The following RHBDF2 variants were observed in gnomAD, a reference collection of about 807,000 sequenced individuals.
The protein encoded by RHBDF2 is rhomboid 5 homolog 2.
RHBDF2 carries 38 observed loss-of-function variants against 95.2 expected under a neutral mutation model. That is an observed-to-expected ratio of 0.40 (90% CI 0.31 to 0.52). The LOEUF is 0.52. RHBDF2 is among the 20% of genes least tolerant of loss of function. RHBDF2 has a pLI of 0.56. For missense variants in RHBDF2, 863 were observed against 1,137.7 expected (o/e 0.76, Z 3.47); for synonymous variants, 442 against 462.0 (o/e 0.96, Z 0.55).
rs1168985754 is a variant in RHBDF2 at position 76,479,869 on chromosome 17, A to T, written c.151-15T>A. ...GGGTTCTTCCTCTTGGGGAGGAAGG[A>T]GGGAGGGCAGGCGGTGGTGTGTGCA... On this transcript the variant is annotated splice_polypyrimidine_tract_variant and intron_variant, in intron 3 of 18. Coordinates refer to ENST00000675367, the MANE Select transcript of RHBDF2 (RefSeq NM_001005498.4). 1.2e-6 allele frequency: 2 copies of T among 1,611,410 alleles called. No individual in the cohort carries two copies. Among genetic ancestry groups the T allele is most frequent in the Admixed American group, 3.4e-5 (2 of 59,526 alleles).
intron 1 of RHBDF2, among the ~76,000 whole-genome samples, chr17:76,490,803 C>A (rs2074276267): frequency 1.3e-5 from 2 of 152,192 alleles, no homozygotes; most frequent in Non-Finnish European, 2.9e-5. Flanking sequence ...CACCAGGCTC[C>A]ACCTTGCCTG....
chr17:76,473,321 C>A lies in RHBDF2; in HGVS notation c.1740G>T (p.Glu580Asp). 6.2e-7 allele frequency: 1 copy of A among 1,611,420 alleles called. No individual in the cohort carries two copies. The highest frequency in any genetic ancestry group is 8.5e-7 in the Non-Finnish European group (1 of 1,178,674). ...PCCIGTKGSC[E>D]ITTREYCEFM... The stretch of plus-strand genomic sequence containing the variant: ...ACTCACAGTATTCCCGGGTGGTGAT[C>A]TCACAGCTAAGGGGGTGGTGAGGCA... Residue 580 changes from glutamate to aspartate, a missense_variant, in exon 16 of 19, where the codon GAG (glutamate) becomes GAT (aspartate). This residue lies in a region of RHBDF2 where 252 missense variants were observed against 412.2 expected (regional missense o/e 0.61). Coordinates refer to ENST00000675367, the MANE Select transcript of RHBDF2 (RefSeq NM_001005498.4).
chr17:76,498,299 A>G (rs1003374520), intron 1 of RHBDF2, among the ~76,000 whole-genome samples: 1 of 152,170 alleles, frequency 6.6e-6, no homozygotes, highest in Non-Finnish European at 1.5e-5. Context: ...GCCGCTTCCG[A>G]CAGCCAGCGC....
rs387907129 is a variant in RHBDF2 at position 76,479,008 on chromosome 17, A to G, written c.470T>C (p.Ile157Thr). 3 of 1,603,862 alleles carry G rather than the reference A, an allele frequency of 1.9e-6. No homozygotes were observed. The highest frequency in any genetic ancestry group is 2.6e-6 in the Non-Finnish European group (3 of 1,173,720). Residue 157 changes from isoleucine (I) to threonine (T), a missense_variant and splice_region_variant, in exon 6 of 19, where the codon ATT becomes ACT. Around this residue, in one of 2 missense-constraint regions of RHBDF2, gnomAD observed 611 missense variants for 725.5 expected, o/e 0.84. Transcript: ENST00000675367. Reference sequence around the variant, plus strand: ...CCGGCCCCGGGCCAGCGGATCCACAATCTGGAAGGGAGGGGGGCGGTAAGC... The same window carrying G: ...CCGGCCCCGGGCCAGCGGATCCACAGTCTGGAAGGGAGGGGGGCGGTAAGC... ...ESPKPCKMPK[I>T]VDPLARGRAF... is the part of the protein sequence containing the mutation.
intron 2 of RHBDF2, among the ~76,000 whole-genome samples, chr17:76,485,481 CTG>C (rs1395150252): frequency 6.7e-6 from 1 of 150,222 alleles, no homozygotes; most frequent in Admixed American, 6.6e-5. Flanking sequence ...ATTCGGGAGA[CTG>C]AGGCAGGAGA....
chr17:76,481,276 G>A, intron 3 of RHBDF2, 99 bp downstream of exon 3: 2 of 1,373,522 alleles, frequency 1.5e-6, no homozygotes, highest in Admixed American at 2.1e-5. Context: ...TGTGGCTCAG[G>A]AAGGAGCCCC....
chr17:76,495,208 G>A lies in RHBDF2; in HGVS notation c.-220+6145C>T, dbSNP rs114967110. The stretch of plus-strand genomic sequence containing the variant: ...CAGCACAAGCCCAGCGGTTGGGGCA[G>A]GATGAGATGCAGCCTGGGGTCTGTG... On this transcript the variant is annotated intron_variant, in intron 1 of 18. Transcript: ENST00000675367. Among the ~76,000 whole-genome samples the A allele has an allele frequency of 1.8e-3, 271 of 152,362 alleles. 1 individual carries two copies. Among genetic ancestry groups the A allele is most frequent in the African/African-American group, 6.1e-3 (255 of 41,584 alleles).
chr17:76,474,833 G>A (rs1037767645), intron 10 of RHBDF2, 29 bp from the exon 11 acceptor site: 13 of 1,605,806 alleles, frequency 8.1e-6, no homozygotes, highest in African/African-American at 8.0e-5. Context: ...AGAGGAGGGC[G>A]TCAGAACAGT....
At chr17:76,475,233 C>A in intron 9 of RHBDF2, 92 bp from the exon 10 acceptor site, 1 of 855,366 alleles carries the variant, frequency 1.2e-6, no homozygotes, top group Non-Finnish European at 1.9e-6. Context: ...TCACATGGCT[C>A]GCCTGGGCTC....
In RHBDF2 at chr17:76,473,310, C is replaced by G. The variant is rs764990747; in HGVS notation, c.1751G>C (p.Arg584Pro). The change falls in exon 16 of 19, where the codon CGG becomes CCG. Residue 584 changes from arginine to proline, a missense_variant. By Grantham distance (103) the Arg-to-Pro change is moderately radical. Around this residue, in one of 2 missense-constraint regions of RHBDF2, gnomAD observed 252 missense variants for 412.2 expected, o/e 0.61. Coordinates refer to ENST00000675367, the MANE Select transcript of RHBDF2 (RefSeq NM_001005498.4). ...GTKGSCEITT[R>P]EYCEFMHGYF... ...GCCGTGCATGAACTCACAGTATTCCCGGGTGGTGATCTCACAGCTAAGGGG... is the reference window on the plus strand; with the variant it reads ...GCCGTGCATGAACTCACAGTATTCCGGGGTGGTGATCTCACAGCTAAGGGG... 6.2e-7 allele frequency: 1 copy of G among 1,612,324 alleles called. No individual in the cohort carries two copies. Among genetic ancestry groups the G allele is most frequent in the East Asian group, 2.2e-5 (1 of 44,838 alleles).
At chr17:76,499,768 A>T (rs2074529481) in intron 1 of RHBDF2, among the ~76,000 whole-genome samples, 1 of 152,114 alleles carries the variant, frequency 6.6e-6, no homozygotes. Context: ...GCTTTGGGAA[A>T]ATCTATGGGA....
chr17:76,481,484 A>G lies in RHBDF2; in HGVS notation c.41T>C (p.Val14Ala), dbSNP rs779568471. Residue 14 changes from valine to alanine, a missense_variant, in exon 3 of 19, where the codon GTG (valine) becomes GCG (alanine). Transcript: ENST00000675367. The stretch of plus-strand genomic sequence containing the variant: ...CCGGCTCTGCAGGCGGCTGCTGGAC[A>G]CAGAGGACACGCTCCCGCCATTCTT... ...ADKNGGSVSS[V>A]SSSRLQSRKP... is the part of the protein sequence containing the mutation. The G allele has an allele frequency of 6.2e-6, 10 of 1,610,366 alleles. No individual in the cohort carries two copies. In the African/African-American group the frequency reaches 6.7e-5, roughly 11 times the overall value.
At chr17:76,490,096 G>A (rs996986299) in intron 1 of RHBDF2, among the ~76,000 whole-genome samples, 4 of 152,196 alleles carry the variant, frequency 2.6e-5, no homozygotes, top group African/African-American at 4.8e-5. Flanking sequence ...AGTAGCCCAC[G>A]CTCCCCATTG....
Position 76,476,810 on chromosome 17 carries a change from G to A in RHBDF2, c.1115+20C>T, listed in dbSNP as rs758343093. The stretch of plus-strand genomic sequence containing the variant: ...TGGAACCTTCCAGGCTCTCCTGGGG[G>A]CTCCAGGGCGACACCTCACCGGTGG... On this transcript the variant is annotated intron_variant, in intron 9 of 18. Coordinates refer to ENST00000675367, the MANE Select transcript of RHBDF2 (RefSeq NM_001005498.4). 6.1e-5 allele frequency: 96 copies of A among 1,573,476 alleles called. 1 individual carries two copies. The South Asian group carries it at 1.0e-3, about 17-fold the overall frequency.
At position 76,473,075 on chromosome 17, in the gene RHBDF2, G is replaced by A. The variant is rs2073640355; in HGVS notation, c.1840C>T (p.Leu614=). The A allele has an allele frequency of 6.2e-7, 1 of 1,614,080 alleles. No homozygotes were observed. Among genetic ancestry groups the A allele is most frequent in the African/African-American group, 1.3e-5 (1 of 75,058 alleles). ...GGGACCTCAGGGTTGAGGAAGGGCA[G>A]CAGCCCACACACCTTGTCCAAGCAG... The part of the protein sequence containing the change: ...VHCLDKVCGL[L]PFLNPEVPDQ... Residue 614 remains leucine, a synonymous_variant, in exon 17 of 19, where the codon CTG becomes TTG. Coordinates refer to ENST00000675367, the MANE Select transcript of RHBDF2 (RefSeq NM_001005498.4).
intron 9 of RHBDF2, 24 bp downstream of exon 9, chr17:76,476,806 G>A: frequency 6.4e-7 from 1 of 1,569,248 alleles, no homozygotes; most frequent in Non-Finnish European, 8.6e-7. Flanking sequence ...AGGCTCTCCT[G>A]GGGGCTCCAG....
At chr17:76,497,651 A>T (rs2074461214) in intron 1 of RHBDF2, among the ~76,000 whole-genome samples, 1 of 151,988 alleles carries the variant, frequency 6.6e-6, no homozygotes, top group African/African-American at 2.4e-5. Context: ...CGGGCACTGC[A>T]CTGCAGGCTG....
chr17:76,471,525 G>T lies in RHBDF2; in HGVS notation c.*108C>A. 1 of 1,284,136 alleles carries T rather than the reference G, an allele frequency of 7.8e-7. No homozygotes were observed. Among genetic ancestry groups the T allele is most frequent in the Non-Finnish European group, 1.1e-6 (1 of 949,280 alleles). The allele number at this position is 1,284,136 out of a possible 1,614,324, so 79.5% of individuals were successfully genotyped here. On this transcript the variant is annotated 3_prime_UTR_variant, in exon 19 of 19. Transcript: ENST00000675367. ...CACCCAGGTCCAGAGCCCGGGCCCTGTCTTGGGTCTCTGGCTCTCTGGCAC... is the reference window on the plus strand; with the variant it reads ...CACCCAGGTCCAGAGCCCGGGCCCTTTCTTGGGTCTCTGGCTCTCTGGCAC...
rs755457795 is a variant in RHBDF2 at position 76,479,257 on chromosome 17, C to A, written c.293G>T (p.Gly98Val). 2 of 1,604,258 alleles carry A rather than the reference C, an allele frequency of 1.2e-6. No individual in the cohort carries two copies. The highest frequency in any genetic ancestry group is 2.2e-5 in the East Asian group (1 of 44,760). ...CTGCCCCTCCCAGTCGCCGCTGACT[C>A]CAAACCACTGGGCTGCGCCCCTGCG... ...SIRKGAAQWF[G>V]VSGDWEGQRQ... Residue 98 changes from glycine (G) to valine (V), a missense_variant, in exon 5 of 19, where the codon GGA (glycine) becomes GTA (valine). By Grantham distance (109) the Gly-to-Val change is moderately radical. This residue lies in a region of RHBDF2 where 611 missense variants were observed against 725.5 expected (regional missense o/e 0.84). Coordinates refer to ENST00000675367, the MANE Select transcript of RHBDF2 (RefSeq NM_001005498.4).
Sources: gnomAD v4.1 joint callset for allele counts (sites outside exome capture counted in the v4.1 genomes callset) on GRCh38, gnomAD v4.1.1 for gene constraint, gnomAD v4.1.1 regional missense constraint, MANE v1.5 for transcripts, NCBI Gene and HGNC (gene_info 2026-07-23, HGNC 2026-07-21) for gene names.